Variants in CPN1 observed in about 807,000 individuals in gnomAD.
CPN1 encodes carboxypeptidase N subunit 1.
A neutral mutation model predicts 46.4 loss-of-function variants in CPN1; 37 were observed. The ratio of observed to expected loss-of-function variants is 0.80; its 90% confidence interval spans 0.61 to 1.05. The LOEUF is 1.05. Among genes scored for constraint, CPN1 ranks in the 50% least tolerant of loss-of-function variants. CPN1 has a pLI of 0.00. For synonymous variants in CPN1, 224 were observed against 235.4 expected, an observed-to-expected ratio of 0.95 and a Z score of 0.44; for missense variants, 563 against 602.6, an observed-to-expected ratio of 0.93 and a Z score of 0.69.
chr10:100,049,258 CT>C (rs570040770), intron 7 of CPN1, among the ~76,000 whole-genome samples: 19,401 of 137,352 alleles, frequency 0.14, 2,234 homozygotes, highest in African/African-American at 0.33. Context: ...AGCCCGTTGG[CT>C]TTTTTTTTTT....
intron 8 of CPN1, 32 bp from the exon 9 acceptor site, chr10:100,042,605 C>T (rs1305790499): frequency 1.4e-5 from 23 of 1,613,102 alleles, no homozygotes; most frequent in African/African-American, 9.4e-5. Flanking sequence ...CTACGAGATC[C>T]GTTTGGACCA....
chr10:100,064,676 A>T (rs1386132030), intron 4 of CPN1, among the ~76,000 whole-genome samples: 1 of 151,994 alleles, frequency 6.6e-6, no homozygotes, highest in African/African-American at 2.4e-5. Flanking sequence ...CCACCGCACC[A>T]GGCCAATAAT....
chr10:100,066,131 T>C (rs1485205180), intron 3 of CPN1, among the ~76,000 whole-genome samples: 1 of 152,088 alleles, frequency 6.6e-6, no homozygotes, highest in Non-Finnish European at 1.5e-5. Context: ...AATTTTTGTA[T>C]TTTTTGTAGA....
At chr10:100,072,674 A>G (rs111956212) in intron 2 of CPN1, among the ~76,000 whole-genome samples, 2,233 of 152,258 alleles carry the variant, frequency 0.015, 33 homozygotes, top group East Asian at 0.07. Context: ...TAGGTCATCT[A>G]TTTAGTCAAC....
chr10:100,063,819 C>A, intron 4 of CPN1, 94 bp from the exon 5 acceptor site: 1 of 894,610 alleles, frequency 1.1e-6, no homozygotes, highest in South Asian at 1.3e-5. Context: ...AGAAGCCCTG[C>A]TGGGTATATA....
At chr10:100,057,195 C>A in intron 5 of CPN1, 43 bp from the exon 6 acceptor site, 7 of 1,601,850 alleles carry the variant, frequency 4.4e-6, no homozygotes, top group Non-Finnish European at 6.0e-6. Flanking sequence ...AACCAGGTTC[C>A]CACCCAATGC....
At chr10:100,047,655 C>T (rs1427132168) in intron 8 of CPN1, among the ~76,000 whole-genome samples, 2 of 152,100 alleles carry the variant, frequency 1.3e-5, no homozygotes, top group Non-Finnish European at 2.9e-5. Flanking sequence ...CCTGTGTATA[C>T]ACGTTAAATA....
intron 5 of CPN1, among the ~76,000 whole-genome samples, chr10:100,060,256 T>C (rs998043023): frequency 2.0e-5 from 3 of 152,206 alleles, no homozygotes; most frequent in Non-Finnish European, 4.4e-5. Flanking sequence ...TTATGTTATG[T>C]ATATTTTACC....
At chr10:100,063,516 A>G (rs965958947) in intron 5 of CPN1, 98 bp downstream of exon 5, 12 of 940,442 alleles carry the variant, frequency 1.3e-5, no homozygotes, top group Admixed American at 1.8e-5. Flanking sequence ...GCAAAATTCT[A>G]TGCTATTCCC....
intron 4 of CPN1, among the ~76,000 whole-genome samples, chr10:100,064,873 AC>A (rs756562247): frequency 6.6e-6 from 1 of 151,522 alleles, no homozygotes; most frequent in African/African-American, 2.4e-5. Flanking sequence ...TCTACTTTAG[AC>A]CCCCCCAAAA....
intron 5 of CPN1, among the ~76,000 whole-genome samples, chr10:100,058,898 A>T (rs751972700): frequency 6.6e-6 from 1 of 152,192 alleles, no homozygotes; most frequent in Non-Finnish European, 1.5e-5. Flanking sequence ...ATATGGTCAA[A>T]GCAATTTTGA....
intron 1 of CPN1, among the ~76,000 whole-genome samples, chr10:100,079,587 T>C (rs1349261541): frequency 6.6e-6 from 1 of 152,204 alleles, no homozygotes; most frequent in South Asian, 2.1e-4. Context: ...CTGCTTGCTA[T>C]GGAAGTGCAG....
rs563914229 is a variant in CPN1 at position 100,068,814 on chromosome 10, C to T, written c.576+900G>A. 3.0e-4 allele frequency among the ~76,000 whole-genome samples: 45 copies of T among 152,294 alleles called. No homozygotes were observed. In the South Asian group the frequency reaches 8.5e-3, roughly 29 times the overall value. On this transcript the variant is annotated intron_variant, in intron 3 of 8. Transcript: ENST00000370418. Reference sequence around the variant, plus strand: ...TCAGCTTCCCAAAGTGCTGGGATTACAGGTGTGAGACACCACACCCAGCCT... The same window carrying T: ...TCAGCTTCCCAAAGTGCTGGGATTATAGGTGTGAGACACCACACCCAGCCT...
rs998735728 is a variant in CPN1, at chr10:100,042,655, G to A, written c.1231-82C>T. On this transcript the variant is annotated intron_variant, in intron 8 of 8. Transcript: ENST00000370418. ...TCCAGTTTCTGAGGGCTGGGTACTA[G>A]GGAAAATTATTATAGCAGTGACCCA... The A allele has an allele frequency of 8.9e-5, 140 of 1,568,314 alleles. 1 individual carries two copies. In the Middle Eastern group the frequency reaches 3.4e-3, roughly 38 times the overall value.
At chr10:100,057,576 G>A (rs2041391851) in intron 5 of CPN1, among the ~76,000 whole-genome samples, 1 of 152,154 alleles carries the variant, frequency 6.6e-6, no homozygotes, top group African/African-American at 2.4e-5. Flanking sequence ...TTGGAGGTTG[G>A]GACCAGTAAG....
chr10:100,043,203 C>T (rs2041288775), intron 8 of CPN1, among the ~76,000 whole-genome samples: 1 of 151,686 alleles, frequency 6.6e-6, no homozygotes, highest in Non-Finnish European at 1.5e-5. Context: ...AGAGACCAGC[C>T]TGGCCAACAT....
In CPN1 at chr10:100,042,363, A is replaced by T. The variant is rs970328627; in HGVS notation, c.*64T>A. The T allele has an allele frequency of 2.8e-5, 45 of 1,595,208 alleles. No homozygotes were observed. Among genetic ancestry groups the T allele is most frequent in the Admixed American group, 2.0e-4 (12 of 59,946 alleles). ...TGTCCCAGATAATAAAATAGAAAGA[A>T]TGCTTGATCTGATCTGAGAGCAGGA... On this transcript the variant is annotated 3_prime_UTR_variant, in exon 9 of 9. Transcript: ENST00000370418.
intron 7 of CPN1, among the ~76,000 whole-genome samples, chr10:100,051,100 T>C (rs2041350208): frequency 6.6e-6 from 1 of 152,234 alleles, no homozygotes; most frequent in Non-Finnish European, 1.5e-5. Flanking sequence ...AAGCCTGTTT[T>C]TCTATAACAA....
chr10:100,081,349 T>G, intron 1 of CPN1, 54 bp downstream of exon 1: 1 of 1,509,166 alleles, frequency 6.6e-7, no homozygotes, highest in South Asian at 1.2e-5. Context: ...AATTACTGGA[T>G]TTGCAAGGGA....
Sources: gnomAD v4.1 joint callset for allele counts (sites outside exome capture counted in the v4.1 genomes callset) on GRCh38, gnomAD v4.1.1 for gene constraint, MANE v1.5 for transcripts, NCBI Gene and HGNC (gene_info 2026-07-23, HGNC 2026-07-21) for gene names.